Variants in PPP1R15B observed in about 807,000 individuals in gnomAD.
PPP1R15B encodes protein phosphatase 1 regulatory subunit 15B, also known as protein phosphatase 1, regulatory (inhibitor) subunit 15B.
A neutral mutation model predicts 53.9 loss-of-function variants in PPP1R15B; 31 were observed. That is an observed-to-expected ratio of 0.58 (90% confidence interval 0.43 to 0.78). The LOEUF is 0.78. Among genes scored for constraint, PPP1R15B ranks in the 30% least tolerant of loss-of-function variants. The pLI, the probability that PPP1R15B is intolerant of heterozygous loss-of-function variation, is 0.00. For synonymous variants in PPP1R15B, 345 were observed against 329.1 expected (o/e 1.05, Z -0.52); for missense variants, 928 against 849.6 (o/e 1.09, Z -1.15).
At position 204,409,607 on chromosome 1, in the gene PPP1R15B, T is replaced by C; in HGVS notation, c.1805A>G (p.His602Arg). 1.9e-6 allele frequency: 3 copies of C among 1,614,124 alleles called. No individual in the cohort carries two copies. In the South Asian group the frequency reaches 3.3e-5, roughly 18 times the overall value. Residue 602 changes from histidine (H) to arginine (R), a missense_variant, in exon 1 of 2, where the codon CAC (histidine) becomes CGC (arginine). Physicochemically the swap from His to Arg is conservative, Grantham distance 29. Transcript: ENST00000367188. ...SESIVAISEC[H>R]TLLSCKVQLL... is the part of the protein sequence containing the mutation. ...CTGCACCTTACAAGAAAGTAAGGTGTGACACTCAGAAATGGCCACAATGGA... is the reference window on the plus strand; with the variant it reads ...CTGCACCTTACAAGAAAGTAAGGTGCGACACTCAGAAATGGCCACAATGGA...
chr1:204,411,380 C>A lies in PPP1R15B; in HGVS notation c.32G>T (p.Arg11Leu). 1 of 1,613,156 alleles carries A rather than the reference C, an allele frequency of 6.2e-7. No individual in the cohort carries two copies. Among genetic ancestry groups the A allele is most frequent in the South Asian group, 1.1e-5 (1 of 91,044 alleles). ...CCGGAAGCCCGCCCGAGGGCCAAGC[C>A]GTTTCCGCGATCCGCCTGTCCCCGG... MEPGTGGSRK[R>L]LGPRAGFRFW... The change falls in exon 1 of 2, where the codon CGG (arginine) becomes CTG (leucine). Residue 11 changes from arginine to leucine, a missense_variant. Transcript: ENST00000367188.
At chr1:204,398,069 A>G (rs1470427086), downstream of PPP1R15B, among the ~76,000 whole-genome samples, 5 of 152,232 alleles carry the variant, frequency 3.3e-5, no homozygotes, top group Admixed American at 3.3e-4. Flanking sequence ...GAGTTAAAGA[A>G]AAGTGTATCA....
In PPP1R15B at chr1:204,409,823, G is replaced by A; in HGVS notation, c.1589C>T (p.Pro530Leu). ...LENSSQSGSL[P>L]ETPEHSSGEE... ...CCCAGAACTATGCTCAGGGGTCTCA[G>A]GAAGGCTTCCAGACTGGGAGGAATT... is the stretch of plus-strand genomic sequence containing the variant. The change falls in exon 1 of 2, where the codon CCT becomes CTT. Residue 530 changes from proline to leucine, a missense_variant. By Grantham distance (98) the Pro-to-Leu change is moderately conservative. Coordinates refer to ENST00000367188, the MANE Select transcript of PPP1R15B (RefSeq NM_032833.5). 6.2e-7 allele frequency: 1 copy of A among 1,614,170 alleles called. No homozygotes were observed. Among genetic ancestry groups the A allele is most frequent in the Non-Finnish European group, 8.5e-7 (1 of 1,180,030 alleles).
At chr1:204,406,866 T>C (rs1674274183) in intron 1 of PPP1R15B, among the ~76,000 whole-genome samples, 2 of 152,190 alleles carry the variant, frequency 1.3e-5, no homozygotes, top group Admixed American at 1.3e-4. Flanking sequence ...CATTTATCTA[T>C]ATCTGCATAA....
downstream of PPP1R15B, among the ~76,000 whole-genome samples, chr1:204,399,928 T>A (rs554544004): frequency 2.0e-5 from 3 of 152,110 alleles, no homozygotes; most frequent in East Asian, 5.8e-4. Flanking sequence ...ACTCCTCTGG[T>A]TTTTGCCTTC....
At chr1:204,400,163 G>A (rs1674151483), downstream of PPP1R15B, among the ~76,000 whole-genome samples, 1 of 150,986 alleles carries the variant, frequency 6.6e-6, no homozygotes, top group African/African-American at 2.4e-5. Context: ...CCTAAGCCTG[G>A]GAAGTCGAGG....
At position 204,404,921 on chromosome 1, in the gene PPP1R15B, A is replaced by G; in HGVS notation, c.*1171T>C. ...TGGGCTAAATATATTAAAACTTTCCAGTCATTAATCTATACTTCTATCCTT... is the reference window on the plus strand; with the variant it reads ...TGGGCTAAATATATTAAAACTTTCCGGTCATTAATCTATACTTCTATCCTT... On this transcript the variant is annotated 3_prime_UTR_variant, in exon 2 of 2. Coordinates refer to ENST00000367188, the MANE Select transcript of PPP1R15B (RefSeq NM_032833.5). The G allele has an allele frequency of 1.0e-6, 1 of 985,724 alleles. No homozygotes were observed. Among genetic ancestry groups the G allele is most frequent in the Non-Finnish European group, 1.2e-6 (1 of 829,824 alleles). 61.1% of individuals were successfully genotyped at this position (985,724 alleles called of 1,614,324 possible).
At position 204,409,783 on chromosome 1, in the gene PPP1R15B, CCA is replaced by C; in HGVS notation, c.1627_1628del (p.Trp543GlyfsTer3). 6.2e-7 allele frequency: 1 copy of C among 1,614,114 alleles called. No homozygotes were observed. The highest frequency in any genetic ancestry group is 8.5e-7 in the Non-Finnish European group (1 of 1,180,014). On this transcript the variant is annotated frameshift_variant, in exon 1 of 2. Transcript: ENST00000367188. LOFTEE classifies it high-confidence loss of function. ...PEHSSGEEDD[W>X]ESSADEAESL... ...TCTCTGCTTCATCTGCACTAGATTC[CCA>C]GTCATCTTCCTCCCCAGAACTATGC...
At chr1:204,408,617 A>G (rs1674306418) in intron 1 of PPP1R15B, among the ~76,000 whole-genome samples, 1 of 152,246 alleles carries the variant, frequency 6.6e-6, no homozygotes, top group African/African-American at 2.4e-5. Flanking sequence ...CTACAATAAT[A>G]GACACCTTTG....
chr1:204,408,388 C>T (rs899638903), intron 1 of PPP1R15B, among the ~76,000 whole-genome samples: 1 of 152,252 alleles, frequency 6.6e-6, no homozygotes, highest in African/African-American at 2.4e-5. Context: ...TTTAACATGA[C>T]TTATTCTGCC....
chr1:204,409,081 G>C (rs1226313237), intron 1 of PPP1R15B, among the ~76,000 whole-genome samples: 1 of 152,176 alleles, frequency 6.6e-6, no homozygotes, highest in Non-Finnish European at 1.5e-5. Context: ...AGTATTTGCA[G>C]ACAACATACA....
At position 204,409,790 on chromosome 1, in the gene PPP1R15B, T is replaced by C. The variant is rs1455783130; in HGVS notation, c.1622A>G (p.Asp541Gly). 2.5e-6 allele frequency: 4 copies of C among 1,614,054 alleles called. No homozygotes were observed. In the African/African-American group the frequency reaches 4.0e-5, roughly 16 times the overall value. Residue 541 changes from aspartate to glycine, a missense_variant, in exon 1 of 2, where the codon GAT becomes GGT. Transcript: ENST00000367188. ...TTCATCTGCACTAGATTCCCAGTCATCTTCCTCCCCAGAACTATGCTCAGG... is the reference window on the plus strand; with the variant it reads ...TTCATCTGCACTAGATTCCCAGTCACCTTCCTCCCCAGAACTATGCTCAGG... ...ETPEHSSGEE[D>G]DWESSADEAE...
chr1:204,409,931 G>A lies in PPP1R15B; in HGVS notation c.1481C>T (p.Ala494Val). The A allele has an allele frequency of 6.3e-7, 1 of 1,589,064 alleles. No homozygotes were observed. The highest frequency in any genetic ancestry group is 1.1e-5 in the South Asian group (1 of 88,502). Residue 494 changes from alanine (A) to valine (V), a missense_variant, in exon 1 of 2, where the codon GCA becomes GTA. Coordinates refer to ENST00000367188, the MANE Select transcript of PPP1R15B (RefSeq NM_032833.5). The stretch of plus-strand genomic sequence containing the variant: ...AATTCTGGCAGCAGTCTGAATTGTT[G>A]CTGTAAAGTTCTGGGGATTATAAGG... ...VDPYNPQNFT[A>V]TIQTAARIVP... is the part of the protein sequence containing the mutation.
rs1674381126 is a variant in PPP1R15B at position 204,411,573 on chromosome 1, T to G, written c.-162A>C. 1 of 956,154 alleles carries G rather than the reference T, an allele frequency of 1.0e-6. No individual in the cohort carries two copies. The highest frequency in any genetic ancestry group is 1.6e-5 in the South Asian group (1 of 61,470). 59.2% of individuals were successfully genotyped at this position (956,154 alleles called of 1,614,324 possible). A position where few individuals can be genotyped will look rare whatever the true frequency, so the allele number is the denominator to read the frequency against. ...CAGAAAAGCCACAGAGGGCAGCGAA[T>G]GCGGCAGCGGGCGGCAGAACACAGG... is the stretch of plus-strand genomic sequence containing the variant. On this transcript the variant is annotated 5_prime_UTR_variant, in exon 1 of 2. Transcript: ENST00000367188.
chr1:204,410,443 G>A lies in PPP1R15B; in HGVS notation c.969C>T (p.His323=), dbSNP rs546031521. ...GAAGGCTGTGTTCCTCCTCCAGGCTGTGGTAGCCATTATCCTGGTCAGGGG... is the reference window on the plus strand; with the variant it reads ...GAAGGCTGTGTTCCTCCTCCAGGCTATGGTAGCCATTATCCTGGTCAGGGG... ...LPTPDQDNGY[H]SLEEEHSLLR... Residue 323 remains histidine, a synonymous_variant, in exon 1 of 2, where the codon CAC becomes CAT. Transcript: ENST00000367188. The A allele has an allele frequency of 3.4e-5, 55 of 1,614,112 alleles. No homozygotes were observed. The Admixed American group carries it at 3.5e-4, about 10-fold the overall frequency.
At position 204,411,179 on chromosome 1, in the gene PPP1R15B, A is replaced by G. The variant is rs1674368556; in HGVS notation, c.233T>C (p.Leu78Pro). Reference sequence around the variant, plus strand: ...TTGGCTCCAAATTAGCACCTTCTGAAGCAATCCGGGGAGCGGCGCAAGGAG... The same window carrying G: ...TTGGCTCCAAATTAGCACCTTCTGAGGCAATCCGGGGAGCGGCGCAAGGAG... ...SQLLAPLPGL[L>P]QKVLIWSQLF... Residue 78 changes from leucine (L) to proline (P), a missense_variant, in exon 1 of 2, where the codon CTT (leucine) becomes CCT (proline). Physicochemically the swap from Leu to Pro is moderately conservative, Grantham distance 98. Coordinates refer to ENST00000367188, the MANE Select transcript of PPP1R15B (RefSeq NM_032833.5). The G allele has an allele frequency of 6.2e-7, 1 of 1,614,248 alleles. No individual in the cohort carries two copies. The highest frequency in any genetic ancestry group is 8.5e-7 in the Non-Finnish European group (1 of 1,180,048).
chr1:204,398,841 A>G (rs1156979968), downstream of PPP1R15B, among the ~76,000 whole-genome samples: 1 of 152,212 alleles, frequency 6.6e-6, no homozygotes, highest in Non-Finnish European at 1.5e-5. Context: ...GCAGCCTATT[A>G]ATTCTGGGAA....
chr1:204,408,897 G>A (rs969108721), intron 1 of PPP1R15B, among the ~76,000 whole-genome samples: 8 of 152,088 alleles, frequency 5.3e-5, no homozygotes, highest in Admixed American at 5.2e-4. Context: ...ACCACTTCCT[G>A]TACTGGCTTT....
intron 1 of PPP1R15B, among the ~76,000 whole-genome samples, chr1:204,407,566 C>T (rs1472989199): frequency 6.6e-6 from 1 of 152,140 alleles, no homozygotes; most frequent in Admixed American, 6.5e-5. Flanking sequence ...CCAAGGGATG[C>T]CCCTGAGGAC....
Sources: gnomAD v4.1 joint callset for allele counts (sites outside exome capture counted in the v4.1 genomes callset) on GRCh38, gnomAD v4.1.1 for gene constraint, MANE v1.5 for transcripts, NCBI Gene and HGNC (gene_info 2026-07-23, HGNC 2026-07-21) for gene names.